The following CBX3 variants were observed in gnomAD, a reference collection of about 807,000 sequenced individuals.
CBX3 encodes the protein chromobox protein homolog 3.
Under a neutral mutation model 22.6 loss-of-function variants are expected in CBX3, and 5 were observed. The observed-to-expected ratio is 0.22, with a 90% CI of 0.12 to 0.47. The LOEUF (loss-of-function observed/expected upper bound fraction) is 0.47. Ranked by LOEUF, CBX3 falls within the 20% of genes least tolerant of loss-of-function variation. The probability of loss-of-function intolerance (pLI) is 0.99; values close to 1 mark genes in which losing one functional copy is unlikely to be tolerated. For synonymous variants in CBX3, 50 were observed against 66.6 expected, an observed-to-expected ratio of 0.75 and a Z score of 1.21; for missense variants, 83 against 208.1, an observed-to-expected ratio of 0.40 and a Z score of 3.70.
chr7:26,212,580 T>G lies in CBX3; in HGVS notation c.*372T>G, dbSNP rs1238207099. 1.5e-5 allele frequency: 2 copies of G among 137,240 alleles called. No individual in the cohort carries two copies. The highest frequency in any genetic ancestry group is 1.5e-5 in the Non-Finnish European group (1 of 65,736). 8.5% of individuals were successfully genotyped at this position (137,240 alleles called of 1,614,324 possible). ...GACCATTCTAGATTTATTACGTGTT[T>G]TTTGTGTGTGTGTGTGTGTGTGTGT... is the stretch of plus-strand genomic sequence containing the variant. On this transcript the variant is annotated 3_prime_UTR_variant, in exon 6 of 6. Coordinates refer to ENST00000396386, the MANE Select transcript of CBX3 (RefSeq NM_016587.4).
intron 2 of CBX3, chr7:26,206,018 A>G: frequency 5.6e-6 from 1 of 179,366 alleles, no homozygotes; most frequent in East Asian, 1.7e-4. Flanking sequence ...GAACCTGGGG[A>G]GGCGGAGGTT....
chr7:26,201,691 G>A (rs1784453219), upstream of CBX3: 1 of 128,272 alleles, frequency 7.8e-6, no homozygotes, highest in African/African-American at 2.9e-5. Context: ...CCCGGCGTGG[G>A]CGGTGCCACC....
At chr7:26,204,784 GT>G (rs1387384887) in intron 2 of CBX3, among the ~76,000 whole-genome samples, 1 of 151,856 alleles carries the variant, frequency 6.6e-6, no homozygotes, top group African/African-American at 2.4e-5. Flanking sequence ...TAGTATTTGG[GT>G]TTTTTGTTTT....
intron 1 of CBX3, chr7:26,202,066 C>A (rs1007508728): frequency 6.6e-6 from 1 of 151,594 alleles, no homozygotes; most frequent in Non-Finnish European, 1.5e-5. Context: ...GCTGTGGCGA[C>A]GGTTGCCCCA....
Position 26,212,827 on chromosome 7 carries a change from GTC to G in CBX3, c.*621_*622del, listed in dbSNP as rs1229158984. On this transcript the variant is annotated 3_prime_UTR_variant, in exon 6 of 6. Coordinates refer to ENST00000396386, the MANE Select transcript of CBX3 (RefSeq NM_016587.4). ...AATTTAAATTGGATAATTTTAAAGT[GTC>G]TATAATTGCAGTGGTTTATTTGCAA... 6.6e-6 allele frequency: 1 copy of G among 152,270 alleles called. No individual in the cohort carries two copies. Among genetic ancestry groups the G allele is most frequent in the African/African-American group, 2.4e-5 (1 of 41,470 alleles). The allele number at this position is 152,270 out of a possible 1,614,324, so 9.4% of individuals were successfully genotyped here.
intron 4 of CBX3, among the ~76,000 whole-genome samples, 186 bp from the exon 5 acceptor site, chr7:26,211,476 C>T (rs553912628): frequency 7.2e-5 from 11 of 152,194 alleles, no homozygotes; most frequent in Admixed American, 3.9e-4. Flanking sequence ...AAGTATTCTA[C>T]GTTGAGTATC....
intron 4 of CBX3, chr7:26,210,639 T>G (rs1019796914): frequency 4.6e-5 from 7 of 152,166 alleles, no homozygotes; most frequent in Admixed American, 1.3e-4. Flanking sequence ...AAAAAATTAT[T>G]GAGGATCCCC....
chr7:26,212,037 GAAC>G, intron 5 of CBX3, 42 bp from the exon 6 acceptor site: 1 of 1,460,114 alleles, frequency 6.8e-7, no homozygotes, highest in East Asian at 2.5e-5. Context: ...CGGTTGACAT[GAAC>G]AACTTCGACT....
intron 4 of CBX3, 52 bp downstream of exon 4, chr7:26,208,607 C>A: frequency 6.7e-7 from 1 of 1,488,738 alleles, no homozygotes; most frequent in Non-Finnish European, 9.2e-7. Context: ...AGGTTGATGG[C>A]TTGATTTCTT....
intron 4 of CBX3, chr7:26,210,721 A>G (rs1784785373): frequency 6.6e-6 from 1 of 152,208 alleles, no homozygotes; most frequent in Non-Finnish European, 1.5e-5. Flanking sequence ...TTCTAAAATG[A>G]CTTTTCTAAA....
At chr7:26,208,163 A>C (rs1237097682) in intron 3 of CBX3, 1 of 318,110 alleles carries the variant, frequency 3.1e-6, no homozygotes, top group Non-Finnish European at 5.9e-6. Flanking sequence ...TGGAATCTTC[A>C]GTGAGCTATG....
intron 3 of CBX3, 147 bp from the exon 4 acceptor site, chr7:26,208,246 G>A: frequency 1.8e-6 from 1 of 542,974 alleles, no homozygotes; most frequent in Non-Finnish European, 3.2e-6. Flanking sequence ...TGGGGGGTGG[G>A]GTAATGTAGG....
intron 3 of CBX3, among the ~76,000 whole-genome samples, chr7:26,207,748 C>T (rs1784711549): frequency 6.6e-6 from 1 of 152,018 alleles, no homozygotes; most frequent in South Asian, 2.1e-4. Context: ...AAACTCCTGA[C>T]CTCAAGTGAT....
chr7:26,211,320 C>A (rs11972057), intron 4 of CBX3, among the ~76,000 whole-genome samples: 4,560 of 152,128 alleles, frequency 0.03, 78 homozygotes, highest in Middle Eastern at 0.054. Flanking sequence ...TCCTGGAAGT[C>A]ATTTGAAATA....
At chr7:26,203,808 T>A (rs745668489) in intron 2 of CBX3, among the ~76,000 whole-genome samples, 1 of 152,218 alleles carries the variant, frequency 6.6e-6, no homozygotes, top group Non-Finnish European at 1.5e-5. Flanking sequence ...TCTCTCTGGG[T>A]TTCACACTAA....
At chr7:26,208,237 G>A (rs1475584605) in intron 3 of CBX3, 156 bp from the exon 4 acceptor site, 1 of 500,518 alleles carries the variant, frequency 2.0e-6, no homozygotes, top group Admixed American at 3.3e-5. Context: ...GAGGCAGGCT[G>A]GGGGGTGGGG....
chr7:26,211,348 TTATTATTACCAG>T (rs1784799322), intron 4 of CBX3, among the ~76,000 whole-genome samples: 1 of 152,170 alleles, frequency 6.6e-6, no homozygotes, highest in Non-Finnish European at 1.5e-5. Context: ...TTTCAAGACT[TTATTATTACCAG>T]AAATAAAGAG....
intron 5 of CBX3, 148 bp downstream of exon 5, chr7:26,211,904 G>T: frequency 1.2e-6 from 1 of 856,006 alleles, no homozygotes; most frequent in Non-Finnish European, 1.8e-6. Flanking sequence ...TAAAGCAAGG[G>T]TCAGCAAACT....
intron 3 of CBX3, among the ~76,000 whole-genome samples, chr7:26,207,659 C>T (rs907939720): frequency 3.3e-5 from 5 of 152,118 alleles, no homozygotes; most frequent in African/African-American, 1.2e-4. Context: ...GCTGGGACTA[C>T]AGGCGCCTGC....
Sources: allele counts gnomAD v4.1 joint callset (sites outside exome capture counted in the v4.1 genomes callset), GRCh38; gene constraint gnomAD v4.1.1; transcripts MANE v1.5; gene names NCBI Gene and HGNC (gene_info 2026-07-23, HGNC 2026-07-21).